The following STEEP1 variants were observed in gnomAD, a reference collection of about 807,000 sequenced individuals.
STEEP1 encodes STING ER exit protein.
In STEEP1, 3 loss-of-function variants were observed where a neutral mutation model predicts 19.2. The observed-to-expected ratio is 0.16, with a 90% confidence interval of 0.07 to 0.40. The LOEUF (loss-of-function observed/expected upper bound fraction) is 0.40, where lower values mean the gene tolerates loss of function less well. Among genes scored for constraint, STEEP1 ranks in the 10% least tolerant of loss-of-function variants. The probability of loss-of-function intolerance (pLI) is 0.99; values close to 1 mark genes in which losing one functional copy is unlikely to be tolerated. For missense variants in STEEP1, 54 were observed against 177.1 expected (o/e 0.30, Z 3.94); for synonymous variants, 46 against 63.7 (o/e 0.72, Z 1.32).
chrX:119,556,940 AAGG>A (rs1446385044), intron 2 of STEEP1, among the ~76,000 whole-genome samples: 1 of 109,570 alleles, frequency 9.1e-6, no homozygotes, highest in Non-Finnish European at 1.9e-5. Flanking sequence ...AAGGCCAAAG[AAGG>A]AGAAGGAGGC....
intron 2 of STEEP1, among the ~76,000 whole-genome samples, chrX:119,550,468 C>CA (rs1272391882): frequency 3.6e-5 from 4 of 111,326 alleles, no homozygotes; most frequent in Admixed American, 2.9e-4. Flanking sequence ...GGGAAAAACT[C>CA]AGTCTTTTTA....
intron 6 of STEEP1, among the ~76,000 whole-genome samples, chrX:119,540,999 C>A (rs898062428): frequency 8.1e-5 from 9 of 111,240 alleles, no homozygotes; most frequent in South Asian, 3.8e-4. Context: ...TGAGCTGAGA[C>A]CACGCCACGG....
intron 5 of STEEP1, among the ~76,000 whole-genome samples, 193 bp downstream of exon 5, chrX:119,542,312 C>G (rs753811278): frequency 2.7e-5 from 3 of 110,096 alleles, no homozygotes; most frequent in African/African-American, 9.9e-5. Context: ...ATGATCCGCC[C>G]GTCTCGGTCT....
Position 119,541,314 on chromosome X carries a change from C to A in STEEP1, c.606+14G>T. 1 of 1,059,999 alleles carries A rather than the reference C, an allele frequency of 9.4e-7. No individual in the cohort carries two copies. The highest frequency in any genetic ancestry group is 1.3e-6 in the Non-Finnish European group (1 of 758,710). The allele number at this position is 1,059,999 out of a possible 1,213,427, so 87.4% of individuals were successfully genotyped here. Reference sequence around the variant, plus strand: ...TGATAGGGCCCCAGCACCTTGCTACCCCTTGCTACTCACCAGCTCTTGCAG... The same window carrying A: ...TGATAGGGCCCCAGCACCTTGCTACACCTTGCTACTCACCAGCTCTTGCAG... On this transcript the variant is annotated intron_variant, in intron 6 of 6. Coordinates refer to ENST00000644802, the MANE Select transcript of STEEP1 (RefSeq NM_022101.4).
intron 2 of STEEP1, among the ~76,000 whole-genome samples, chrX:119,553,810 G>T (rs1051290551): frequency 5.4e-5 from 6 of 111,396 alleles, no homozygotes; most frequent in African/African-American, 2.0e-4. Flanking sequence ...AAATAAATGG[G>T]GCCGCATATT....
At chrX:119,563,497 G>T (rs1177542399) in intron 1 of STEEP1, among the ~76,000 whole-genome samples, 1 of 106,692 alleles carries the variant, frequency 9.4e-6, no homozygotes, top group East Asian at 2.9e-4. Flanking sequence ...GCAGTGAGCC[G>T]AGATCGCACC....
chrX:119,545,818 G>A (rs1436279995), intron 2 of STEEP1, among the ~76,000 whole-genome samples: 1 of 108,453 alleles, frequency 9.2e-6, no homozygotes, highest in Admixed American at 9.8e-5. Context: ...GCTTGAACCT[G>A]GGAGGCGGAG....
intron 1 of STEEP1, 109 bp downstream of exon 1, chrX:119,565,123 A>C: frequency 9.1e-7 from 1 of 1,097,782 alleles, no homozygotes; most frequent in South Asian, 2.5e-5. Context: ...GAGAAAACCC[A>C]CCAATCTTCG....
chrX:119,556,265 C>T (rs1161845520), intron 2 of STEEP1, among the ~76,000 whole-genome samples: 2 of 110,809 alleles, frequency 1.8e-5, no homozygotes, highest in Non-Finnish European at 3.8e-5. Flanking sequence ...GGAATATGCA[C>T]CCTAACTTTA....
At chrX:119,551,371 T>C (rs1295653710) in intron 2 of STEEP1, among the ~76,000 whole-genome samples, 1 of 109,007 alleles carries the variant, frequency 9.2e-6, no homozygotes, top group Admixed American at 9.9e-5. Flanking sequence ...TCCCAGCTAC[T>C]TGGGAGGCTG....
rs747235166 is a variant in STEEP1 at position 119,539,716 on chromosome X, A to G, written c.*11T>C. The G allele has an allele frequency of 8.3e-7, 1 of 1,198,407 alleles. No homozygotes were observed. The highest frequency in any genetic ancestry group is 1.8e-5 in the African/African-American group (1 of 56,727). ...GCTTGCCTCTAGTCTAGGGCTTAGA[A>G]AAAGGCCTGGTTATTTGAACTGGTT... On this transcript the variant is annotated 3_prime_UTR_variant, in exon 7 of 7. Transcript: ENST00000644802.
chrX:119,540,971 G>A (rs1004091381), intron 6 of STEEP1, among the ~76,000 whole-genome samples: 28 of 111,387 alleles, frequency 2.5e-4, no homozygotes, highest in African/African-American at 8.2e-4. Flanking sequence ...CCTTGAACCC[G>A]GGAGGCGGAG....
In STEEP1 at chrX:119,541,313, C is replaced by A; in HGVS notation, c.606+15G>T. ...ATGATAGGGCCCCAGCACCTTGCTA[C>A]CCCTTGCTACTCACCAGCTCTTGCA... On this transcript the variant is annotated intron_variant, in intron 6 of 6. Transcript: ENST00000644802. 1 of 1,050,592 alleles carries A rather than the reference C, an allele frequency of 9.5e-7. No individual in the cohort carries two copies. The highest frequency in any genetic ancestry group is 1.9e-5 in the South Asian group (1 of 53,529). 86.6% of individuals were successfully genotyped at this position (1,050,592 alleles called of 1,213,427 possible). A position where few individuals can be genotyped will look rare whatever the true frequency, so the allele number is the denominator to read the frequency against.
At chrX:119,541,167 G>A (rs990031311) in intron 6 of STEEP1, among the ~76,000 whole-genome samples, 161 bp downstream of exon 6, 1 of 112,000 alleles carries the variant, frequency 8.9e-6, no homozygotes, top group Non-Finnish European at 1.9e-5. Context: ...ACAGAGTAGG[G>A]TATACTGACA....
At chrX:119,543,723 C>T (rs56075214) in intron 4 of STEEP1, among the ~76,000 whole-genome samples, 3,327 of 110,167 alleles carry the variant, frequency 0.03, 43 homozygotes, top group Non-Finnish European at 0.046. Flanking sequence ...CTCAAGTGAT[C>T]CTCCCACTTC....
At chrX:119,564,795 G>C (rs751156163) in intron 1 of STEEP1, among the ~76,000 whole-genome samples, 5 of 111,121 alleles carry the variant, frequency 4.5e-5, no homozygotes, top group African/African-American at 1.6e-4. Flanking sequence ...TGCTATAAAA[G>C]AAGCAACGAA....
chrX:119,548,712 G>T (rs968939951), intron 2 of STEEP1, among the ~76,000 whole-genome samples: 3 of 110,983 alleles, frequency 2.7e-5, no homozygotes, highest in Non-Finnish European at 5.7e-5. Flanking sequence ...CCACTTCTTG[G>T]TATATATCCA....
chrX:119,542,664 G>A (rs952464119), intron 4 of STEEP1, 70 bp from the exon 5 acceptor site: 17 of 717,456 alleles, frequency 2.4e-5, no homozygotes, highest in Middle Eastern at 2.9e-4. Context: ...GAGTGTGTGC[G>A]CACACGCCTG....
intron 3 of STEEP1, among the ~76,000 whole-genome samples, chrX:119,545,198 C>G (rs867453084): frequency 9.6e-6 from 1 of 104,672 alleles, no homozygotes; most frequent in Admixed American, 1.0e-4. Context: ...TACTAAAATA[C>G]AAAAATTAGC....
Sources: gnomAD v4.1 joint callset for allele counts (sites outside exome capture counted in the v4.1 genomes callset) on GRCh38, gnomAD v4.1.1 for gene constraint, MANE v1.5 for transcripts, NCBI Gene and HGNC (gene_info 2026-07-23, HGNC 2026-07-21) for gene names.